The following SMOC2 variants were observed in gnomAD, a reference collection of about 807,000 sequenced individuals.
SMOC2 encodes the protein SPARC related modular calcium binding 2.
Under a neutral mutation model 61.4 loss-of-function variants are expected in SMOC2, and 39 were observed. The ratio of observed to expected loss-of-function variants is 0.64; its 90% CI spans 0.49 to 0.83. The LOEUF is 0.83. Ranked by LOEUF, SMOC2 falls within the 40% of genes least tolerant of loss-of-function variation. The probability of loss-of-function intolerance (pLI) is 0.00; values close to 1 mark genes in which losing one functional copy is unlikely to be tolerated. For missense variants in SMOC2, 556 were observed against 592.9 expected (o/e 0.94, Z 0.65); for synonymous variants, 247 against 239.9 (o/e 1.03, Z -0.27).
At chr6:168,479,631 G>A (rs970341000) in intron 1 of SMOC2, among the ~76,000 whole-genome samples, 2 of 152,328 alleles carry the variant, frequency 1.3e-5, no homozygotes, top group Admixed American at 6.5e-5. Context: ...CCAACCTTGC[G>A]GTGAAAGCTG....
chr6:168,504,712 G>T (rs111859493), intron 1 of SMOC2, among the ~76,000 whole-genome samples: 5 of 152,112 alleles, frequency 3.3e-5, no homozygotes, highest in Non-Finnish European at 7.4e-5. Context: ...CTTATACAGC[G>T]TGGTCATTTG....
chr6:168,618,060 C>A (rs1786140979), intron 9 of SMOC2, among the ~76,000 whole-genome samples: 1 of 152,246 alleles, frequency 6.6e-6, no homozygotes, highest in Non-Finnish European at 1.5e-5. Context: ...GAAAACGGAT[C>A]TGTCCTATGG....
intron 9 of SMOC2, among the ~76,000 whole-genome samples, chr6:168,626,275 G>A (rs1786406812): frequency 6.6e-6 from 1 of 152,176 alleles, no homozygotes; most frequent in African/African-American, 2.4e-5. Flanking sequence ...CAGAAGCAAA[G>A]TCTTCACCAC....
At chr6:168,477,035 C>T (rs750573380) in intron 1 of SMOC2, among the ~76,000 whole-genome samples, 7 of 152,260 alleles carry the variant, frequency 4.6e-5, no homozygotes, top group South Asian at 4.2e-4. Context: ...CAAAGCTGGA[C>T]GAAATTAGAA....
chr6:168,527,534 G>C (rs569544730), intron 3 of SMOC2, 94 bp from the exon 4 acceptor site: 12 of 865,752 alleles, frequency 1.4e-5, no homozygotes, highest in East Asian at 2.7e-5. Flanking sequence ...GACCCTGTCT[G>C]AGCCACTGCC....
chr6:168,646,751 G>A (rs1787043102), intron 9 of SMOC2, among the ~76,000 whole-genome samples: 1 of 152,128 alleles, frequency 6.6e-6, no homozygotes. Context: ...GGGTTGAGAA[G>A]GGCTCAGGGC....
intron 7 of SMOC2, among the ~76,000 whole-genome samples, chr6:168,590,888 C>T (rs9456226): frequency 0.21 from 32,289 of 151,980 alleles, 3,810 homozygotes; most frequent in South Asian, 0.28. Flanking sequence ...GTTTGGGAAA[C>T]GAACTCATAT....
At chr6:168,466,194 G>C (rs1222883592) in intron 1 of SMOC2, among the ~76,000 whole-genome samples, 2 of 150,988 alleles carry the variant, frequency 1.3e-5, no homozygotes, top group Non-Finnish European at 2.9e-5. Flanking sequence ...TGGAACATTG[G>C]GGGCTCTGAA....
intron 9 of SMOC2, among the ~76,000 whole-genome samples, chr6:168,640,854 G>C (rs1190325674): frequency 6.6e-6 from 1 of 152,160 alleles, no homozygotes; most frequent in Non-Finnish European, 1.5e-5. Context: ...GAAAGAAAGA[G>C]ACAAAAACGC....
chr6:168,569,171 T>TTC (rs1784612068), intron 7 of SMOC2, among the ~76,000 whole-genome samples: 1 of 152,238 alleles, frequency 6.6e-6, no homozygotes, highest in African/African-American at 2.4e-5. Context: ...CTCAGCCTGC[T>TTC]TTGTAGCCTC....
At chr6:168,623,642 TA>T (rs1410639482) in intron 9 of SMOC2, among the ~76,000 whole-genome samples, 5 of 146,134 alleles carry the variant, frequency 3.4e-5, no homozygotes, top group Non-Finnish European at 4.4e-5. Flanking sequence ...GGCCAATAAT[TA>T]TTTTTTTTAT....
rs1785676384 is a variant in SMOC2 at position 168,605,977 on chromosome 6, GGGTCCATTCTAATGTAGGTCTCAATT to G, written c.825-2179_825-2154del. 3.3e-5 allele frequency among the ~76,000 whole-genome samples: 5 copies of G among 152,186 alleles called. No homozygotes were observed. In the South Asian group the frequency reaches 1.0e-3, roughly 32 times the overall value. ...CCCTTCATAAGCCCTCGGGCAGGAA[GGGTCCATTCTAATGTAGGTCTCAATT>G]CGGCCCCTGAGACACTGACCCGGAG... is the stretch of plus-strand genomic sequence containing the variant. On this transcript the variant is annotated intron_variant, in intron 8 of 12. Transcript: ENST00000356284.
At chr6:168,502,342 G>A (rs1007772144) in intron 1 of SMOC2, among the ~76,000 whole-genome samples, 11 of 152,146 alleles carry the variant, frequency 7.2e-5, no homozygotes, top group South Asian at 2.1e-4. Context: ...CTCCATACAC[G>A]TCCCTGGTCA....
At chr6:168,472,607 A>G (rs999451458) in intron 1 of SMOC2, among the ~76,000 whole-genome samples, 4 of 152,262 alleles carry the variant, frequency 2.6e-5, no homozygotes, top group Admixed American at 1.3e-4. Context: ...TCACATGTTT[A>G]TTCTGATAAG....
intron 7 of SMOC2, among the ~76,000 whole-genome samples, chr6:168,575,885 G>A (rs1784792370): frequency 6.6e-6 from 1 of 150,982 alleles, no homozygotes; most frequent in South Asian, 2.1e-4. Context: ...CCACCATTGT[G>A]ACTTTACTGA....
chr6:168,646,734 A>G (rs6914174), intron 9 of SMOC2, among the ~76,000 whole-genome samples: 24,092 of 152,028 alleles, frequency 0.16, 2,358 homozygotes, highest in African/African-American at 0.26. Context: ...TGACTGGATG[A>G]GCTCTGGGGT....
At chr6:168,500,899 T>A (rs1321544060) in intron 1 of SMOC2, among the ~76,000 whole-genome samples, 1 of 152,154 alleles carries the variant, frequency 6.6e-6, no homozygotes, top group Non-Finnish European at 1.5e-5. Flanking sequence ...GCAATAAGGA[T>A]GGTGCCTGAG....
intron 11 of SMOC2, among the ~76,000 whole-genome samples, chr6:168,660,524 G>A (rs1787481024): frequency 6.6e-6 from 1 of 152,236 alleles, no homozygotes; most frequent in Admixed American, 6.5e-5. Flanking sequence ...CACGCTTCAT[G>A]CAAGTGACTA....
chr6:168,634,486 C>G (rs557200355), intron 9 of SMOC2, among the ~76,000 whole-genome samples: 13 of 152,332 alleles, frequency 8.5e-5, no homozygotes, highest in East Asian at 7.7e-4. Context: ...GATCCTACCA[C>G]TTCATGCCCA....
Sources: allele counts gnomAD v4.1 joint callset (sites outside exome capture counted in the v4.1 genomes callset), GRCh38; gene constraint gnomAD v4.1.1; transcripts MANE v1.5; gene names NCBI Gene and HGNC (gene_info 2026-07-23, HGNC 2026-07-21).